Variants in NACC2 observed in about 807,000 individuals in gnomAD.
NACC2 encodes nucleus accumbens-associated protein 2.
In NACC2, 8 loss-of-function variants were observed where a neutral mutation model predicts 25.1. The ratio of observed to expected loss-of-function variants is 0.32; its 90% CI spans 0.19 to 0.57. NACC2 has a LOEUF of 0.57. Among genes scored for constraint, NACC2 ranks in the 20% least tolerant of loss-of-function variants. The pLI is 0.89. For synonymous variants in NACC2, 435 were observed against 294.7 expected, an observed-to-expected ratio of 1.48 and a Z score of -4.88; for missense variants, 644 against 650.2, an observed-to-expected ratio of 0.99 and a Z score of 0.10.
rs373909556 is a variant in NACC2, at chr9:136,007,354, CACAG to C, written c.*4158_*4161del. On this transcript the variant is annotated 3_prime_UTR_variant, in exon 6 of 6. Transcript: ENST00000277554. ...GGTGACGTGCACGCGCGTGCACACA[CACAG>C]ACACACGCGTGCACACATACACAGA... 1.5e-3 allele frequency: 224 copies of C among 152,208 alleles called. No homozygotes were observed. Among genetic ancestry groups the C allele is most frequent in the African/African-American group, 4.7e-3 (195 of 41,382 alleles). 9.4% of individuals were successfully genotyped at this position (152,208 alleles called of 1,614,324 possible). A position where few individuals can be genotyped will look rare whatever the true frequency, so the allele number is the denominator to read the frequency against.
intron 3 of NACC2, among the ~76,000 whole-genome samples, 184 bp downstream of exon 3, chr9:136,016,081 C>A (rs1840197938): frequency 6.6e-6 from 1 of 152,284 alleles, no homozygotes; most frequent in Non-Finnish European, 1.5e-5. Context: ...AATTAAAATG[C>A]TAAATTAATT....
chr9:136,050,919 A>T (rs1170241380), intron 1 of NACC2, among the ~76,000 whole-genome samples: 1 of 151,958 alleles, frequency 6.6e-6, no homozygotes, highest in Non-Finnish European at 1.5e-5. Flanking sequence ...CCGGGACAGG[A>T]GGTGGGGGCC....
At chr9:136,024,868 G>A (rs1018269683) in intron 2 of NACC2, among the ~76,000 whole-genome samples, 1 of 152,178 alleles carries the variant, frequency 6.6e-6, no homozygotes, top group African/African-American at 2.4e-5. Context: ...AGCTGAGGCG[G>A]CAGGGCCTAA....
chr9:136,060,674 G>A (rs940532921), intron 1 of NACC2, among the ~76,000 whole-genome samples: 77 of 152,380 alleles, frequency 5.1e-4, no homozygotes, highest in African/African-American at 1.6e-3. Context: ...GGTCTCAAAG[G>A]TGCCAGTGGG....
At position 136,008,390 on chromosome 9, in the gene NACC2, C is replaced by T. The variant is rs1251598924; in HGVS notation, c.*3126G>A. On this transcript the variant is annotated 3_prime_UTR_variant, in exon 6 of 6. Transcript: ENST00000277554. ...ACCACCTGCCAGGCGGCAGCTCCAA[C>T]ACGGTCCAGTCCCTTCTGTCCTCCT... The T allele has an allele frequency of 6.6e-6, 1 of 152,452 alleles. No homozygotes were observed. The highest frequency in any genetic ancestry group is 1.9e-4 in the East Asian group (1 of 5,192). 9.4% of individuals were successfully genotyped at this position (152,452 alleles called of 1,614,324 possible).
Position 136,020,902 on chromosome 9 carries a change from G to A in NACC2, c.887-4473C>T, listed in dbSNP as rs772436764. On this transcript the variant is annotated intron_variant, in intron 2 of 5. Transcript: ENST00000277554. The surrounding 1 kb of genome is among the most constrained non-coding windows in gnomAD (Gnocchi z 4.7). ...AGCAACTGGCCATCCGCACCCACAC[G>A]TGGCACCAAAACCACCCTCCGTCTC... Among the ~76,000 whole-genome samples the A allele has an allele frequency of 4.6e-5, 7 of 152,220 alleles. No individual in the cohort carries two copies. Among genetic ancestry groups the A allele is most frequent in the Non-Finnish European group, 8.8e-5 (6 of 68,012 alleles).
chr9:136,012,046 A>G, intron 5 of NACC2, 22 bp from the exon 6 acceptor site: 1 of 1,501,278 alleles, frequency 6.7e-7, no homozygotes, highest in Non-Finnish European at 8.9e-7. Context: ...GGGCGGCGTG[A>G]GCTCAGCCAC....
Position 136,011,873 on chromosome 9 carries a change from G to T in NACC2, c.1407C>A (p.Val469=). 6.4e-7 allele frequency: 1 copy of T among 1,568,396 alleles called. No homozygotes were observed. The highest frequency in any genetic ancestry group is 1.2e-5 in the South Asian group (1 of 86,494). ...LPEGVEMYRT[V]MGSAAASVPL... ...GCACGCTGGCGGCGGCGGAGCCCATGACCGTGCGGTACATCTCCACGCCCT... is the reference window on the plus strand; with the variant it reads ...GCACGCTGGCGGCGGCGGAGCCCATTACCGTGCGGTACATCTCCACGCCCT... Residue 469 remains valine (V), a synonymous_variant, in exon 6 of 6, where the codon GTC becomes GTA. Coordinates refer to ENST00000277554, the MANE Select transcript of NACC2 (RefSeq NM_144653.5).
Position 136,013,520 on chromosome 9 carries a change from C to T in NACC2, c.1158-224G>A, listed in dbSNP as rs1215578822. Among the ~76,000 whole-genome samples the T allele has an allele frequency of 1.3e-5, 2 of 152,210 alleles. No individual in the cohort carries two copies. Among genetic ancestry groups the T allele is most frequent in the Admixed American group, 6.5e-5 (1 of 15,276 alleles). ...ACCGGGTGATGGGGCTGCAAGGTGA[C>T]CTGAGCCTTGTCCTCAGGGACTCCG... On this transcript the variant is annotated intron_variant, in intron 4 of 5. Transcript: ENST00000277554. The surrounding 1 kb of genome is among the most constrained non-coding windows in gnomAD (Gnocchi z 6.6).
At chr9:136,047,648 G>C (rs1005242787) in intron 2 of NACC2, among the ~76,000 whole-genome samples, 2 of 152,210 alleles carry the variant, frequency 1.3e-5, no homozygotes, top group Non-Finnish European at 1.5e-5. Context: ...CGTGTGGTCT[G>C]AGTACGGGGG....
chr9:136,006,773 A>G lies in NACC2; in HGVS notation c.*4743T>C, dbSNP rs1840018261. The G allele has an allele frequency of 6.6e-6, 1 of 152,144 alleles. No individual in the cohort carries two copies. Among genetic ancestry groups the G allele is most frequent in the Admixed American group, 6.5e-5 (1 of 15,272 alleles). 9.4% of individuals were successfully genotyped at this position (152,144 alleles called of 1,614,324 possible). A position where few individuals can be genotyped will look rare whatever the true frequency, so the allele number is the denominator to read the frequency against. ...CTCTACCGAGTAACAGCACAAAAAC[A>G]GAGTGAGGGCTCAGGAAAACAAAAC... is the stretch of plus-strand genomic sequence containing the variant. On this transcript the variant is annotated 3_prime_UTR_variant, in exon 6 of 6. Transcript: ENST00000277554.
At chr9:136,047,801 C>A (rs1158736837) in intron 2 of NACC2, among the ~76,000 whole-genome samples, 1 of 152,170 alleles carries the variant, frequency 6.6e-6, no homozygotes, top group Non-Finnish European at 1.5e-5. Flanking sequence ...GGGCTTCTAG[C>A]TCACGAAGTC....
intron 1 of NACC2, among the ~76,000 whole-genome samples, chr9:136,087,958 CGGG>C (rs1830396087): frequency 7.2e-6 from 1 of 138,958 alleles, no homozygotes; most frequent in Non-Finnish European, 1.7e-5. Context: ...TGGGAAGTTC[CGGG>C]AGGTGACCTG....
At chr9:136,077,687 G>A (rs1192166346) in intron 1 of NACC2, among the ~76,000 whole-genome samples, 1 of 152,218 alleles carries the variant, frequency 6.6e-6, no homozygotes, top group Non-Finnish European at 1.5e-5. Flanking sequence ...GGGGGCAGCT[G>A]TGTGGTCACC....
intron 1 of NACC2, among the ~76,000 whole-genome samples, chr9:136,059,779 G>A (rs1027015184): frequency 1.3e-5 from 2 of 152,194 alleles, no homozygotes; most frequent in Non-Finnish European, 2.9e-5. Flanking sequence ...GTGTGTATCC[G>A]TGTGGCCCAT....
In NACC2 at chr9:136,020,242, G is replaced by A. The variant is rs930374515; in HGVS notation, c.887-3813C>T. Among the ~76,000 whole-genome samples, 24 of 152,288 alleles carry A rather than the reference G, an allele frequency of 1.6e-4. No individual in the cohort carries two copies. In the South Asian group the frequency reaches 3.1e-3, roughly 20 times the overall value. On this transcript the variant is annotated intron_variant, in intron 2 of 5. Transcript: ENST00000277554. The surrounding 1 kb of genome is among the most constrained non-coding windows in gnomAD (Gnocchi z 4.7). Reference sequence around the variant, plus strand: ...GGCCATGCAGGTCTGGAGGGAAACCGGGTCTCATTGGCCTCACCCTGACTT... The same window carrying A: ...GGCCATGCAGGTCTGGAGGGAAACCAGGTCTCATTGGCCTCACCCTGACTT...
chr9:136,072,635 T>C (rs1480256970), intron 1 of NACC2, among the ~76,000 whole-genome samples: 3 of 152,180 alleles, frequency 2.0e-5, no homozygotes, highest in Admixed American at 2.0e-4. Flanking sequence ...GCGGATCACC[T>C]GAGGTCAGGA....
rs1840031238 is a variant in NACC2, at chr9:136,007,385, AC to A, written c.*4130del. 1 of 151,802 alleles carries A rather than the reference AC, an allele frequency of 6.6e-6. No individual in the cohort carries two copies. Among genetic ancestry groups the A allele is most frequent in the African/African-American group, 2.4e-5 (1 of 41,056 alleles). The allele number at this position is 151,802 out of a possible 1,614,324, so 9.4% of individuals were successfully genotyped here. A position where few individuals can be genotyped will look rare whatever the true frequency, so the allele number is the denominator to read the frequency against. On this transcript the variant is annotated 3_prime_UTR_variant, in exon 6 of 6. Coordinates refer to ENST00000277554, the MANE Select transcript of NACC2 (RefSeq NM_144653.5). Reference sequence around the variant, plus strand: ...CACACGCGTGCACACATACACAGACACGCGTGCAGAGACACGCACGTGCACA... The same window carrying A: ...CACACGCGTGCACACATACACAGACAGCGTGCAGAGACACGCACGTGCACA...
chr9:136,032,380 A>G (rs1840487655), intron 2 of NACC2, among the ~76,000 whole-genome samples: 2 of 152,016 alleles, frequency 1.3e-5, no homozygotes, highest in African/African-American at 4.8e-5. Context: ...AACACTTACG[A>G]GGAAAAAAAA....
Sources: allele counts gnomAD v4.1 joint callset (sites outside exome capture counted in the v4.1 genomes callset), GRCh38; gene constraint gnomAD v4.1.1; non-coding constraint Gnocchi (gnomAD v3.1); transcripts MANE v1.5; gene names NCBI Gene and HGNC (gene_info 2026-07-23, HGNC 2026-07-21).